GABRP: variants seen among roughly 807,000 people sequenced by gnomAD.
GABRP encodes the protein gamma-aminobutyric acid receptor subunit pi.
GABRP carries 52 observed loss-of-function variants against 47.8 expected under a neutral mutation model. That is an observed-to-expected ratio of 1.09 (90% confidence interval 0.87 to 1.37). GABRP has a LOEUF of 1.37. GABRP is among the 40% of genes most tolerant of loss of function. The pLI is 0.00. For missense variants in GABRP, 525 were observed against 542.8 expected (o/e 0.97, Z 0.33); for synonymous variants, 221 against 205.8 (o/e 1.07, Z -0.63).
chr5:170,809,160 C>A (rs2127266473), intron 8 of GABRP, among the ~76,000 whole-genome samples: 1 of 152,276 alleles, frequency 6.6e-6, no homozygotes, highest in Non-Finnish European at 1.5e-5. Flanking sequence ...TGGTCCTGAA[C>A]TCCTGACCTC....
At chr5:170,809,782 G>T in intron 9 of GABRP, 27 bp downstream of exon 9, 1 of 1,562,794 alleles carries the variant, frequency 6.4e-7, no homozygotes, top group South Asian at 1.2e-5. Context: ...CCCTGTGTAT[G>T]ATCCATCACT....
chr5:170,790,116 T>G (rs971743702), intron 3 of GABRP, among the ~76,000 whole-genome samples: 6 of 152,242 alleles, frequency 3.9e-5, no homozygotes, highest in Non-Finnish European at 4.4e-5. Flanking sequence ...CCATAGAAGC[T>G]CAGTGCGTGA....
chr5:170,795,560 T>C, intron 5 of GABRP, 135 bp downstream of exon 5: 1 of 681,800 alleles, frequency 1.5e-6, no homozygotes, highest in Non-Finnish European at 2.6e-6. Context: ...CTTGCCCCCA[T>C]AATAGAAGGT....
chr5:170,808,951 T>G (rs1213004503), intron 8 of GABRP, among the ~76,000 whole-genome samples, 199 bp downstream of exon 8: 1 of 152,108 alleles, frequency 6.6e-6, no homozygotes, highest in East Asian at 1.9e-4. Context: ...TGTTTTTTTT[T>G]TGGAGACAGA....
At chr5:170,803,838 G>A (rs996775755) in intron 6 of GABRP, among the ~76,000 whole-genome samples, 6 of 152,070 alleles carry the variant, frequency 3.9e-5, no homozygotes, top group Non-Finnish European at 4.4e-5. Flanking sequence ...GTGCAATGGC[G>A]CAATCTAGGC....
At chr5:170,794,180 A>T in intron 3 of GABRP, 51 bp from the exon 4 acceptor site, 1 of 1,287,182 alleles carries the variant, frequency 7.8e-7, no homozygotes, top group Non-Finnish European at 1.1e-6. Flanking sequence ...ATATAGTATT[A>T]AGACAGCTCA....
chr5:170,808,321 C>T (rs1392542532), intron 7 of GABRP, among the ~76,000 whole-genome samples: 1 of 152,134 alleles, frequency 6.6e-6, no homozygotes, highest in Non-Finnish European at 1.5e-5. Context: ...AACTCACTGT[C>T]TAGTGAGGCA....
At chr5:170,786,990 T>C (rs1376878267) in intron 1 of GABRP, among the ~76,000 whole-genome samples, 1 of 152,134 alleles carries the variant, frequency 6.6e-6, no homozygotes, top group Non-Finnish European at 1.5e-5. Context: ...TTTTTGTTTT[T>C]GTTATGTTTT....
chr5:170,783,217 G>C (rs1383826739), upstream of GABRP, among the ~76,000 whole-genome samples: 1 of 152,186 alleles, frequency 6.6e-6, no homozygotes. Context: ...TCCCAGGCTG[G>C]AAAGCACTAG....
In GABRP at chr5:170,812,051, A is replaced by C. The variant is rs1472355947; in HGVS notation, c.1116A>C (p.Glu372Asp). Reference protein sequence around the residue: ...FKRKISFASIEISSDNVDYSD... With the variant: ...FKRKISFASIDISSDNVDYSD... The stretch of plus-strand genomic sequence containing the variant: ...GGAAGATCAGCTTTGCCAGCATTGA[A>C]ATTTCCAGCGACAACGTTGACTACA... Residue 372 changes from glutamate to aspartate, a missense_variant, in exon 10 of 10, where the codon GAA becomes GAC. Coordinates refer to ENST00000265294, the MANE Select transcript of GABRP (RefSeq NM_014211.3). 6.2e-7 allele frequency: 1 copy of C among 1,614,202 alleles called. No individual in the cohort carries two copies. Among genetic ancestry groups the C allele is most frequent in the African/African-American group, 1.3e-5 (1 of 75,052 alleles).
rs548370382 is a variant in GABRP at position 170,805,839 on chromosome 5, C to A, written c.665C>A (p.Ser222Ter). ...IERYFTLVTR[S>*]QQETGNYTRL... Reference sequence around the variant, plus strand: ...CGGTATTTCACCTTAGTCACCAGATCGCAGCAGGAGACAGGTAACTCATGT... The same window carrying A: ...CGGTATTTCACCTTAGTCACCAGATAGCAGCAGGAGACAGGTAACTCATGT... Residue 222 changes from serine to a stop codon, truncating the protein, a stop_gained, in exon 7 of 10, where the codon TCG becomes TAG. Coordinates refer to ENST00000265294, the MANE Select transcript of GABRP (RefSeq NM_014211.3). LOFTEE classifies it high-confidence loss of function. 6.2e-7 allele frequency: 1 copy of A among 1,614,054 alleles called. No individual in the cohort carries two copies. The highest frequency in any genetic ancestry group is 8.5e-7 in the Non-Finnish European group (1 of 1,179,978).
At chr5:170,792,241 G>C (rs1765292830) in intron 3 of GABRP, among the ~76,000 whole-genome samples, 1 of 152,218 alleles carries the variant, frequency 6.6e-6, no homozygotes, top group South Asian at 2.1e-4. Context: ...TCAGGAGTTA[G>C]AGACCAGCCT....
At chr5:170,802,248 C>G (rs1443337074) in intron 6 of GABRP, among the ~76,000 whole-genome samples, 1 of 152,152 alleles carries the variant, frequency 6.6e-6, no homozygotes, top group Admixed American at 6.5e-5. Flanking sequence ...GCCCACCAAA[C>G]TGGGGCACCT....
chr5:170,809,842 C>T (rs2127267022), intron 9 of GABRP, 87 bp downstream of exon 9: 4 of 1,263,252 alleles, frequency 3.2e-6, no homozygotes, highest in Non-Finnish European at 4.5e-6. Flanking sequence ...CTTCTATCCC[C>T]ACCCCACCCG....
chr5:170,811,934 A>C, intron 9 of GABRP, 22 bp from the exon 10 acceptor site: 6 of 1,604,554 alleles, frequency 3.7e-6, no homozygotes, highest in Non-Finnish European at 5.1e-6. Flanking sequence ...CTTTTAAGCT[A>C]ACTGCATTGT....
intron 5 of GABRP, among the ~76,000 whole-genome samples, chr5:170,796,194 G>T (rs963219452): frequency 6.6e-6 from 1 of 152,190 alleles, no homozygotes; most frequent in Non-Finnish European, 1.5e-5. Context: ...TAAAACAAGG[G>T]TTGAGCTAAC....
rs112998851 is a variant in GABRP, at chr5:170,790,564, G to T, written c.172+1317G>T. Among the ~76,000 whole-genome samples, 339 of 152,270 alleles carry T rather than the reference G, an allele frequency of 2.2e-3. 1 individual carries two copies. Among genetic ancestry groups the T allele is most frequent in the African/African-American group, 7.4e-3 (308 of 41,550 alleles). On this transcript the variant is annotated intron_variant, in intron 3 of 9. Transcript: ENST00000265294. ...TTAGGGGGACTATGTCTAGAAGGGAGAATGAGGCAGCGGGAGAGGCAAGCT... is the reference window on the plus strand; with the variant it reads ...TTAGGGGGACTATGTCTAGAAGGGATAATGAGGCAGCGGGAGAGGCAAGCT...
chr5:170,786,183 G>C (rs1264675476), intron 1 of GABRP, among the ~76,000 whole-genome samples: 1 of 152,184 alleles, frequency 6.6e-6, no homozygotes, highest in Non-Finnish European at 1.5e-5. Context: ...TGAGGCAATG[G>C]AGGGCATGGG....
Position 170,803,999 on chromosome 5 carries a change from C to G in GABRP, c.542-1717C>G, listed in dbSNP as rs1409916868. On this transcript the variant is annotated intron_variant, in intron 6 of 9. Transcript: ENST00000265294. Reference sequence around the variant, plus strand: ...GCCAGGCTGGTCTCAAACTCCCGACCACAGGTGATCCACCTGCCTCAGCCT... The same window carrying G: ...GCCAGGCTGGTCTCAAACTCCCGACGACAGGTGATCCACCTGCCTCAGCCT... Among the ~76,000 whole-genome samples, 5 of 152,072 alleles carry G rather than the reference C, an allele frequency of 3.3e-5. No homozygotes were observed. The East Asian group carries it at 9.7e-4, about 29-fold the overall frequency.
Sources: allele counts gnomAD v4.1 joint callset (sites outside exome capture counted in the v4.1 genomes callset), GRCh38; gene constraint gnomAD v4.1.1; transcripts MANE v1.5; gene names NCBI Gene and HGNC (gene_info 2026-07-23, HGNC 2026-07-21).